The following RORA variants were observed in gnomAD, a reference collection of about 807,000 sequenced individuals.
The protein encoded by RORA is RAR related orphan receptor A.
In RORA, 7 loss-of-function variants were observed where a neutral mutation model predicts 69.5. That is an observed-to-expected ratio of 0.10 (90% confidence interval 0.06 to 0.19). The LOEUF is 0.19. RORA is among the 10% of genes least tolerant of loss of function. The pLI is 1.00. For missense variants in RORA, 457 were observed against 663.0 expected (o/e 0.69, Z 3.41); for synonymous variants, 261 against 240.8 (o/e 1.08, Z -0.78).
At chr15:61,160,755 G>A (rs938457764) in intron 1 of RORA, among the ~76,000 whole-genome samples, 15 of 152,284 alleles carry the variant, frequency 9.9e-5, no homozygotes, top group Middle Eastern at 3.4e-3. Flanking sequence ...AATTCTCTGG[G>A]AAATATTAGG....
intron 1 of RORA, among the ~76,000 whole-genome samples, chr15:60,830,264 C>T (rs2073024057): frequency 6.6e-6 from 1 of 152,118 alleles, no homozygotes; most frequent in African/African-American, 2.4e-5. Context: ...TACAGATCAG[C>T]TTAAGGAATA....
At position 60,768,725 on chromosome 15, in the gene RORA, G is replaced by A. The variant is rs550767566; in HGVS notation, c.167-90039C>T. On this transcript the variant is annotated intron_variant, in intron 1 of 10. Coordinates refer to ENST00000335670, the MANE Select transcript of RORA (RefSeq NM_134261.3). Reference sequence around the variant, plus strand: ...AGCAGGTGCACTGACAGACAGAGGTGAAGGCTGGCCTGATAAAATGGATTT... The same window carrying A: ...AGCAGGTGCACTGACAGACAGAGGTAAAGGCTGGCCTGATAAAATGGATTT... Among the ~76,000 whole-genome samples the A allele has an allele frequency of 2.0e-4, 30 of 152,328 alleles. 1 individual carries two copies. Among genetic ancestry groups the A allele is most frequent in the African/African-American group, 6.0e-4 (25 of 41,572 alleles).
chr15:60,937,111 C>T (rs894087334), intron 1 of RORA, among the ~76,000 whole-genome samples: 8 of 152,226 alleles, frequency 5.3e-5, no homozygotes, highest in African/African-American at 1.9e-4. Context: ...TCATTATTAT[C>T]AACCCATTCA....
chr15:61,124,802 T>C (rs1436792253), intron 1 of RORA, among the ~76,000 whole-genome samples: 1 of 152,144 alleles, frequency 6.6e-6, no homozygotes, highest in Non-Finnish European at 1.5e-5. Context: ...AGTTTCTCCA[T>C]CTGATAAGAA....
chr15:60,778,873 C>G (rs1274792154), intron 1 of RORA, among the ~76,000 whole-genome samples: 1 of 152,116 alleles, frequency 6.6e-6, no homozygotes, highest in Non-Finnish European at 1.5e-5. Context: ...TATCTTCCTT[C>G]AGGGTGAGGG....
intron 2 of RORA, among the ~76,000 whole-genome samples, chr15:60,655,905 G>A (rs924520027): frequency 2.0e-5 from 3 of 152,176 alleles, no homozygotes; most frequent in Non-Finnish European, 4.4e-5. Context: ...ATTAAGCCAT[G>A]CTAGCTGATT....
intron 1 of RORA, among the ~76,000 whole-genome samples, chr15:61,220,016 C>T (rs2080079886): frequency 6.6e-6 from 1 of 152,230 alleles, no homozygotes; most frequent in South Asian, 2.1e-4. Flanking sequence ...TGAAATTTTA[C>T]AGCTTGCAGG....
rs533695866 is a variant in RORA, at chr15:61,016,720, A to G, written c.166+212333T>C. ...TCGCGACCCATAAGGAGTAAAGAAT[A>G]GCTGAATGTGGTGAAATGGGGAGAC... is the stretch of plus-strand genomic sequence containing the variant. On this transcript the variant is annotated intron_variant, in intron 1 of 10. Coordinates refer to ENST00000335670, the MANE Select transcript of RORA (RefSeq NM_134261.3). 4.8e-4 allele frequency among the ~76,000 whole-genome samples: 73 copies of G among 152,308 alleles called. No homozygotes were observed. In the South Asian group the frequency reaches 5.6e-3, roughly 12 times the overall value.
intron 1 of RORA, among the ~76,000 whole-genome samples, chr15:60,708,741 C>A (rs1283850375): frequency 6.6e-6 from 1 of 152,176 alleles, no homozygotes; most frequent in Non-Finnish European, 1.5e-5. Context: ...AATAGAGCAG[C>A]TAAGTCTGTT....
intron 1 of RORA, among the ~76,000 whole-genome samples, chr15:61,050,505 G>A (rs1210798483): frequency 2.6e-5 from 4 of 152,182 alleles, no homozygotes; most frequent in Non-Finnish European, 5.9e-5. Flanking sequence ...AATTCTATAT[G>A]GTCTCTGTCT....
intron 1 of RORA, among the ~76,000 whole-genome samples, chr15:60,996,436 C>T (rs1894538784): frequency 6.6e-6 from 1 of 152,158 alleles, no homozygotes; most frequent in Admixed American, 6.5e-5. Flanking sequence ...CTGAACTGAA[C>T]ACAAGATCTG....
Position 60,593,010 on chromosome 15 carries a change from T to G in RORA, c.197-61159A>C, listed in dbSNP as rs1657789. ...TCTGGGGAGCTACGGTCACCCGCAT[T>G]TCCTAGAGTGCCCCAGCTCTAATCG... On this transcript the variant is annotated intron_variant, in intron 2 of 10. Coordinates refer to ENST00000335670, the MANE Select transcript of RORA (RefSeq NM_134261.3). 7.2e-4 allele frequency: 324 copies of G among 449,756 alleles called. 1 individual carries two copies. The highest frequency in any genetic ancestry group is 5.8e-3 in the African/African-American group (289 of 49,736). 27.9% of individuals were successfully genotyped at this position (449,756 alleles called of 1,614,324 possible). A position where few individuals can be genotyped will look rare whatever the true frequency, so the allele number is the denominator to read the frequency against.
intron 1 of RORA, among the ~76,000 whole-genome samples, chr15:61,094,048 G>A (rs1014402454): frequency 2.6e-5 from 4 of 152,200 alleles, no homozygotes; most frequent in African/African-American, 9.7e-5. Flanking sequence ...TCAGTTGTAG[G>A]ACTTAGGCAC....
At chr15:60,749,857 G>A (rs1322611737) in intron 1 of RORA, among the ~76,000 whole-genome samples, 1 of 152,042 alleles carries the variant, frequency 6.6e-6, no homozygotes, top group Non-Finnish European at 1.5e-5. Context: ...GTGAGACCCC[G>A]TCTCTACTAC....
At position 60,514,699 on chromosome 15, in the gene RORA, T is replaced by C. The variant is rs140459179; in HGVS notation, c.341A>G (p.Asn114Ser). ...TCTACTGGTTCGATCAATCAAACAG[T>C]TCTTCTGACGAGGACAGGAGTAGGT... Reference protein sequence around the residue: ...NATYSCPRQKNCLIDRTSRNR... With the variant: ...NATYSCPRQKSCLIDRTSRNR... The change falls in exon 4 of 11, where the codon AAC (asparagine) becomes AGC (serine). Residue 114 changes from asparagine (N) to serine (S), a missense_variant. By Grantham distance (46) the Asn-to-Ser change is conservative. Coordinates refer to ENST00000335670, the MANE Select transcript of RORA (RefSeq NM_134261.3). 2.5e-6 allele frequency: 4 copies of C among 1,613,970 alleles called. No individual in the cohort carries two copies. The highest frequency in any genetic ancestry group is 3.4e-6 in the Non-Finnish European group (4 of 1,179,960).
chr15:60,802,951 C>CTT (rs71122876), intron 1 of RORA, among the ~76,000 whole-genome samples: 2 of 151,224 alleles, frequency 1.3e-5, no homozygotes, highest in East Asian at 1.9e-4. Context: ...TGTTTTGTTT[C>CTT]TTTTTTAAAA....
At chr15:61,145,638 C>T (rs992197447) in intron 1 of RORA, among the ~76,000 whole-genome samples, 1 of 152,154 alleles carries the variant, frequency 6.6e-6, no homozygotes, top group Non-Finnish European at 1.5e-5. Context: ...TCCTAAAATG[C>T]CTGTCTTCAT....
chr15:60,644,038 C>A (rs1215760307), intron 2 of RORA, among the ~76,000 whole-genome samples: 1 of 151,598 alleles, frequency 6.6e-6, no homozygotes, highest in African/African-American at 2.4e-5. Flanking sequence ...CAGGAAGCCA[C>A]TGGGATTAAA....
At chr15:60,596,217 A>G (rs2068662874) in intron 2 of RORA, among the ~76,000 whole-genome samples, 1 of 152,188 alleles carries the variant, frequency 6.6e-6, no homozygotes, top group African/African-American at 2.4e-5. Context: ...CCGAATCTGC[A>G]AGTGGCTCCT....
Sources: gnomAD v4.1 joint callset for allele counts (sites outside exome capture counted in the v4.1 genomes callset) on GRCh38, gnomAD v4.1.1 for gene constraint, MANE v1.5 for transcripts, NCBI Gene and HGNC (gene_info 2026-07-23, HGNC 2026-07-21) for gene names.